ATXN1: variants seen among roughly 807,000 people sequenced by gnomAD.
ATXN1 encodes ataxin 1, also known as ataxin-1.
Under a neutral mutation model 56.4 loss-of-function variants are expected in ATXN1, and 8 were observed. That is an observed-to-expected ratio of 0.14 (90% CI 0.08 to 0.26). ATXN1 has a LOEUF of 0.26. Among genes scored for constraint, ATXN1 ranks in the 10% least tolerant of loss-of-function variants. ATXN1 has a pLI of 1.00. For missense variants in ATXN1, 987 were observed against 1,106.5 expected, an observed-to-expected ratio of 0.89 and a Z score of 1.53; for synonymous variants, 514 against 494.6, an observed-to-expected ratio of 1.04 and a Z score of -0.52.
chr6:16,395,245 G>A (rs1256460069), intron 6 of ATXN1, among the ~76,000 whole-genome samples: 2 of 134,466 alleles, frequency 1.5e-5, no homozygotes, highest in Non-Finnish European at 3.1e-5. Flanking sequence ...ATTCCAGCCT[G>A]GCCAACAAGA....
chr6:16,713,338 A>G (rs2113457769), intron 2 of ATXN1, among the ~76,000 whole-genome samples: 1 of 152,354 alleles, frequency 6.6e-6, no homozygotes, highest in African/African-American at 2.4e-5. Context: ...CTATAAAATT[A>G]GCTTACTCAC....
chr6:16,306,315 C>G lies in ATXN1; in HGVS notation c.*14G>C. 1 of 1,584,396 alleles carries G rather than the reference C, an allele frequency of 6.3e-7. No homozygotes were observed. Among genetic ancestry groups the G allele is most frequent in the Non-Finnish European group, 8.6e-7 (1 of 1,167,138 alleles). ...GATAAGGGAGAGCCACGTTTCCTTT[C>G]CCCCACGCTGCCTCTACTTGCCTAC... On this transcript the variant is annotated 3_prime_UTR_variant, in exon 8 of 8. Transcript: ENST00000436367. The surrounding 1 kb of genome is among the most constrained non-coding windows in gnomAD (Gnocchi z 5.2).
At chr6:16,516,059 G>A (rs188536384) in intron 5 of ATXN1, among the ~76,000 whole-genome samples, 1 of 152,150 alleles carries the variant, frequency 6.6e-6, no homozygotes, top group African/African-American at 2.4e-5. Flanking sequence ...GGCAGGCCGG[G>A]GCTTTAGCGT....
chr6:16,359,533 T>C (rs1741407042), intron 6 of ATXN1, among the ~76,000 whole-genome samples: 1 of 151,830 alleles, frequency 6.6e-6, no homozygotes. Context: ...GGAGCTACCC[T>C]CTCTGCTAAG....
chr6:16,375,276 T>C (rs1762121302), intron 6 of ATXN1, among the ~76,000 whole-genome samples: 1 of 152,232 alleles, frequency 6.6e-6, no homozygotes, highest in African/African-American at 2.4e-5. Context: ...TTCACTGATT[T>C]CCATGACTAA....
intron 2 of ATXN1, among the ~76,000 whole-genome samples, chr6:16,704,897 C>T (rs369957077): frequency 1.3e-5 from 2 of 152,192 alleles, no homozygotes; most frequent in Admixed American, 1.3e-4. Context: ...AAGCACTCAG[C>T]GAGGGGGAGG....
intron 6 of ATXN1, among the ~76,000 whole-genome samples, chr6:16,460,595 G>C (rs184521192): frequency 2.0e-5 from 3 of 152,316 alleles, no homozygotes; most frequent in Non-Finnish European, 4.4e-5. Flanking sequence ...CACGTGTGCA[G>C]CCCTCAACCC....
At chr6:16,684,688 G>A (rs191994773) in intron 2 of ATXN1, among the ~76,000 whole-genome samples, 14 of 152,226 alleles carry the variant, frequency 9.2e-5, no homozygotes, top group Admixed American at 8.5e-4. Context: ...TTTACTTTCT[G>A]AGCATTTAGC....
chr6:16,478,676 A>C (rs1387863742), intron 6 of ATXN1, among the ~76,000 whole-genome samples: 1 of 152,216 alleles, frequency 6.6e-6, no homozygotes, highest in Non-Finnish European at 1.5e-5. Flanking sequence ...AGCCCCATGC[A>C]TTAAGACTGC....
intron 2 of ATXN1, among the ~76,000 whole-genome samples, chr6:16,748,528 C>T (rs571172017): frequency 2.6e-5 from 4 of 152,276 alleles, no homozygotes; most frequent in African/African-American, 4.8e-5. Flanking sequence ...ACAGTTTCCT[C>T]GCCTGTGCAA....
chr6:16,398,539 C>T (rs147065160), intron 6 of ATXN1, among the ~76,000 whole-genome samples: 26 of 152,224 alleles, frequency 1.7e-4, no homozygotes, highest in South Asian at 2.1e-4. Flanking sequence ...CACATATACA[C>T]GTATATATAT....
intron 1 of ATXN1, 190 bp downstream of exon 1, chr6:16,761,108 G>C: frequency 2.7e-6 from 1 of 364,672 alleles, no homozygotes; most frequent in Non-Finnish European, 5.4e-6. Context: ...AGAACACGAC[G>C]CGTCGATTTC....
chr6:16,353,511 TAA>T (rs767315786), intron 6 of ATXN1, among the ~76,000 whole-genome samples: 2 of 151,966 alleles, frequency 1.3e-5, no homozygotes, highest in Non-Finnish European at 2.9e-5. Context: ...CCGTCTCTAC[TAA>T]AACTACAAAA....
intron 2 of ATXN1, among the ~76,000 whole-genome samples, chr6:16,675,257 C>T (rs1758637218): frequency 6.6e-6 from 1 of 152,164 alleles, no homozygotes; most frequent in Non-Finnish European, 1.5e-5. Context: ...GATTAACCCG[C>T]AATCAAATAC....
intron 6 of ATXN1, among the ~76,000 whole-genome samples, chr6:16,418,634 T>G (rs899713562): frequency 6.6e-6 from 1 of 151,464 alleles, no homozygotes; most frequent in African/African-American, 2.4e-5. Context: ...TGTATACATG[T>G]GCCATGCTGG....
At chr6:16,574,109 C>T (rs1762378877) in intron 4 of ATXN1, among the ~76,000 whole-genome samples, 1 of 152,266 alleles carries the variant, frequency 6.6e-6, no homozygotes, top group Non-Finnish European at 1.5e-5. Context: ...TCACTGCAAC[C>T]TCTGCCTTCC....
chr6:16,306,360 C>T lies in ATXN1; in HGVS notation c.2417G>A (p.Cys806Tyr). ...GCCTACATTAGACCGGCCTTCAATGCAAATCTTAACCTCCTGAGGAATTAG... is the reference window on the plus strand; with the variant it reads ...GCCTACATTAGACCGGCCTTCAATGTAAATCTTAACCTCCTGAGGAATTAG... ...PSLIPQEVKI[C>Y]IEGRSNVGK is the part of the protein sequence containing the mutation. Residue 806 changes from cysteine (C) to tyrosine (Y), a missense_variant, in exon 8 of 8, where the codon TGC (cysteine) becomes TAC (tyrosine). Transcript: ENST00000436367. The surrounding 1 kb of genome is among the most constrained non-coding windows in gnomAD (Gnocchi z 5.2). The T allele has an allele frequency of 6.2e-7, 1 of 1,612,404 alleles. No individual in the cohort carries two copies. Among genetic ancestry groups the T allele is most frequent in the Non-Finnish European group, 8.5e-7 (1 of 1,179,238 alleles).
At chr6:16,307,992 A>G (rs1397278205) in intron 7 of ATXN1, among the ~76,000 whole-genome samples, 1 of 152,140 alleles carries the variant, frequency 6.6e-6, no homozygotes, top group African/African-American at 2.4e-5. Context: ...CATCTCTACT[A>G]AAAATACAAA....
intron 5 of ATXN1, among the ~76,000 whole-genome samples, chr6:16,487,329 G>C (rs1340319096): frequency 6.6e-6 from 1 of 151,008 alleles, no homozygotes; most frequent in African/African-American, 2.4e-5. Flanking sequence ...GCATTTCTGA[G>C]GAAAAAAAAC....
Sources: allele counts gnomAD v4.1 joint callset (sites outside exome capture counted in the v4.1 genomes callset), GRCh38; gene constraint gnomAD v4.1.1; non-coding constraint Gnocchi (gnomAD v3.1); transcripts MANE v1.5; gene names NCBI Gene and HGNC (gene_info 2026-07-23, HGNC 2026-07-21).